Variants in JAZF1 observed in about 807,000 individuals in gnomAD.
JAZF1 encodes the protein juxtaposed with another zinc finger protein 1.
Under a neutral mutation model 26.4 loss-of-function variants are expected in JAZF1, and 8 were observed. The ratio of observed to expected loss-of-function variants is 0.30; its 90% CI spans 0.18 to 0.55. JAZF1 has a LOEUF of 0.55. Ranked by LOEUF, JAZF1 falls within the 20% of genes least tolerant of loss-of-function variation. The pLI is 0.94. For missense variants in JAZF1, 199 were observed against 322.0 expected (o/e 0.62, Z 2.92); for synonymous variants, 126 against 122.3 (o/e 1.03, Z -0.20).
chr7:28,170,494 C>T (rs955747769), intron 1 of JAZF1, among the ~76,000 whole-genome samples: 1 of 151,816 alleles, frequency 6.6e-6, no homozygotes, highest in Non-Finnish European at 1.5e-5. Context: ...AACCAGTTAG[C>T]GTCTTTGGAC....
chr7:28,170,202 C>T lies in JAZF1; in HGVS notation c.115+10261G>A, dbSNP rs548875030. On this transcript the variant is annotated intron_variant, in intron 1 of 4. Coordinates refer to ENST00000283928, the MANE Select transcript of JAZF1 (RefSeq NM_175061.4). The stretch of plus-strand genomic sequence containing the variant: ...TACCAGAAGGCTGAGGCAGGAGGAT[C>T]GCTGGAGCCCAAAAGTTCAAGATCA... 9.9e-5 allele frequency among the ~76,000 whole-genome samples: 15 copies of T among 152,118 alleles called. No individual in the cohort carries two copies. In the South Asian group the frequency reaches 2.9e-3, roughly 30 times the overall value.
At chr7:28,087,967 G>T (rs1042761473) in intron 1 of JAZF1, among the ~76,000 whole-genome samples, 1 of 152,054 alleles carries the variant, frequency 6.6e-6, no homozygotes, top group East Asian at 1.9e-4. Context: ...TTTGACAAAG[G>T]GCCTTTATTT....
intron 1 of JAZF1, among the ~76,000 whole-genome samples, chr7:28,097,616 G>A (rs1233999290): frequency 2.0e-5 from 3 of 152,224 alleles, no homozygotes; most frequent in Non-Finnish European, 2.9e-5. Context: ...AGAGCTGAAG[G>A]AGCTGGATAT....
chr7:27,993,175 G>C (rs749413236), intron 1 of JAZF1, among the ~76,000 whole-genome samples: 8 of 152,112 alleles, frequency 5.3e-5, no homozygotes, highest in Non-Finnish European at 7.4e-5. Context: ...AGAATTTCAG[G>C]GACACACTAT....
intron 2 of JAZF1, among the ~76,000 whole-genome samples, chr7:27,977,340 A>G (rs1250317674): frequency 1.3e-5 from 2 of 152,310 alleles, no homozygotes; most frequent in African/African-American, 4.8e-5. Flanking sequence ...AACGTTTCCC[A>G]AGACCCTTTA....
intron 1 of JAZF1, among the ~76,000 whole-genome samples, chr7:28,142,032 T>C (rs566365538): frequency 1.1e-3 from 167 of 152,308 alleles, no homozygotes; most frequent in Non-Finnish European, 1.7e-3. Flanking sequence ...AATGAGGCAG[T>C]TCTACTTCTA....
chr7:28,108,492 T>C lies in JAZF1; in HGVS notation c.115+71971A>G, dbSNP rs534228518. Among the ~76,000 whole-genome samples, 165 of 152,322 alleles carry C rather than the reference T, an allele frequency of 1.1e-3. 3 individuals carry two copies. Among genetic ancestry groups the C allele is most frequent in the Non-Finnish European group, 1.9e-3 (128 of 68,028 alleles). On this transcript the variant is annotated intron_variant, in intron 1 of 4. Coordinates refer to ENST00000283928, the MANE Select transcript of JAZF1 (RefSeq NM_175061.4). ...TCCCTGCCAGTTCTCTCTGCTCCTC[T>C]AACATTCACTTGCTCAGTTTCTTAC...
At chr7:27,904,446 G>A (rs1359951399) in intron 2 of JAZF1, among the ~76,000 whole-genome samples, 5 of 152,194 alleles carry the variant, frequency 3.3e-5, no homozygotes, top group African/African-American at 7.2e-5. Context: ...GCACCCCTTC[G>A]TTAATAGAAT....
chr7:27,994,594 T>C (rs1161951013), intron 1 of JAZF1, among the ~76,000 whole-genome samples: 3 of 152,174 alleles, frequency 2.0e-5, no homozygotes, highest in Non-Finnish European at 2.9e-5. Flanking sequence ...TCCCCAAATC[T>C]CCTTTTCAAA....
intron 2 of JAZF1, among the ~76,000 whole-genome samples, chr7:27,964,180 T>C (rs1287934976): frequency 1.3e-5 from 2 of 152,148 alleles, no homozygotes; most frequent in East Asian, 1.9e-4. Flanking sequence ...GTAAATAGCA[T>C]TGTAACATCT....
At chr7:28,179,333 G>A (rs558487542) in intron 1 of JAZF1, among the ~76,000 whole-genome samples, 107 of 152,314 alleles carry the variant, frequency 7.0e-4, no homozygotes, top group African/African-American at 2.4e-3. Flanking sequence ...GTGTGAAAAT[G>A]TGTGCAATGA....
chr7:27,864,824 C>T (rs1459812733), intron 3 of JAZF1, among the ~76,000 whole-genome samples: 1 of 152,170 alleles, frequency 6.6e-6, no homozygotes, highest in Admixed American at 6.5e-5. Context: ...CCACTACTTC[C>T]CTCTTGGGGA....
At chr7:28,019,355 G>T (rs1056705851) in intron 1 of JAZF1, among the ~76,000 whole-genome samples, 1 of 152,080 alleles carries the variant, frequency 6.6e-6, no homozygotes, top group Non-Finnish European at 1.5e-5. Flanking sequence ...AGGCACGTAG[G>T]GTGGCAACCT....
intron 3 of JAZF1, chr7:27,844,244 T>C (rs1439767944): frequency 6.6e-6 from 1 of 152,240 alleles, no homozygotes; most frequent in Non-Finnish European, 1.5e-5. Context: ...TTTGGAACTC[T>C]AGAAAGAAAT....
intron 2 of JAZF1, among the ~76,000 whole-genome samples, chr7:27,921,797 C>T (rs965623082): frequency 6.6e-6 from 1 of 152,046 alleles, no homozygotes; most frequent in Admixed American, 6.6e-5. Flanking sequence ...TTTGGGAGTC[C>T]GAGGTGGTAG....
At chr7:27,882,268 T>C (rs1315459838) in intron 3 of JAZF1, among the ~76,000 whole-genome samples, 1 of 151,876 alleles carries the variant, frequency 6.6e-6, no homozygotes, top group Admixed American at 6.6e-5. Flanking sequence ...TGGTTGATTT[T>C]ACCTATGTGT....
intron 1 of JAZF1, among the ~76,000 whole-genome samples, chr7:28,115,603 T>C (rs1304522404): frequency 6.6e-6 from 1 of 152,240 alleles, no homozygotes; most frequent in Non-Finnish European, 1.5e-5. Context: ...GAATTGGCAC[T>C]GAAATACAAC....
At chr7:28,120,829 G>A (rs992742338) in intron 1 of JAZF1, among the ~76,000 whole-genome samples, 1 of 152,002 alleles carries the variant, frequency 6.6e-6, no homozygotes, top group Non-Finnish European at 1.5e-5. Context: ...CCTAGACAAT[G>A]CTAATAAACT....
At chr7:28,129,027 G>C (rs1782747100) in intron 1 of JAZF1, among the ~76,000 whole-genome samples, 2 of 152,070 alleles carry the variant, frequency 1.3e-5, no homozygotes, top group African/African-American at 4.8e-5. Flanking sequence ...GAATCACTGG[G>C]TTCTCTGTTT....
Sources: gnomAD v4.1 joint callset for allele counts (sites outside exome capture counted in the v4.1 genomes callset) on GRCh38, gnomAD v4.1.1 for gene constraint, MANE v1.5 for transcripts, NCBI Gene and HGNC (gene_info 2026-07-23, HGNC 2026-07-21) for gene names.